RYR2: variants seen among roughly 807,000 people sequenced by gnomAD.
RYR2 encodes cardiac muscle ryanodine receptor-calcium release channel.
Under a neutral mutation model 601.1 loss-of-function variants are expected in RYR2, and 227 were observed. That is an observed-to-expected ratio of 0.38 (90% CI 0.34 to 0.42). RYR2 has a LOEUF of 0.42. Among genes scored for constraint, RYR2 ranks in the 10% least tolerant of loss-of-function variants. RYR2 has a pLI of 1.00. For synonymous variants in RYR2, 2,223 were observed against 2,175.1 expected, an observed-to-expected ratio of 1.02 and a Z score of -0.61; for missense variants, 4,646 against 6,156.5, an observed-to-expected ratio of 0.75 and a Z score of 8.21.
At position 237,803,176 on chromosome 1, in the gene RYR2, TTCTC is replaced by T. The variant is rs1191965385; in HGVS notation, c.14151+1265_14151+1268del. 2.0e-5 allele frequency among the ~76,000 whole-genome samples: 3 copies of T among 152,162 alleles called. No homozygotes were observed. In the East Asian group the frequency reaches 5.8e-4, roughly 29 times the overall value. On this transcript the variant is annotated intron_variant, in intron 98 of 104. Transcript: ENST00000366574. ...ACCTAAACTAAAAATCATTTATTCTTTCTCTCTCATTCAAATTTTACTGTGCAGC... is the reference window on the plus strand; with the variant it reads ...ACCTAAACTAAAAATCATTTATTCTTTCTCATTCAAATTTTACTGTGCAGC...
chr1:237,456,700 G>C lies in RYR2; in HGVS notation c.1577G>C (p.Trp526Ser), dbSNP rs1204721340. ...GCTGGGCGAGAAGCAGGAGAGTCTTGGAAATCCATTCTGAATTCTCTGTAT... is the reference window on the plus strand; with the variant it reads ...GCTGGGCGAGAAGCAGGAGAGTCTTCGAAATCCATTCTGAATTCTCTGTAT... The part of the protein sequence containing the change: ...DVAGREAGES[W>S]KSILNSLYEL... Residue 526 changes from tryptophan (W) to serine (S), a missense_variant, in exon 16 of 105, where the codon TGG becomes TCG. By Grantham distance (177) the Trp-to-Ser change is radical (BLOSUM62 -3). Transcript: ENST00000366574. 1 of 1,613,520 alleles carries C rather than the reference G, an allele frequency of 6.2e-7. No individual in the cohort carries two copies.
chr1:237,090,444 G>T (rs1222764334), intron 1 of RYR2, among the ~76,000 whole-genome samples: 1 of 152,134 alleles, frequency 6.6e-6, no homozygotes, highest in African/African-American at 2.4e-5. Context: ...TGGAAGCAGA[G>T]ATCAGAGACA....
intron 10 of RYR2, among the ~76,000 whole-genome samples, chr1:237,415,121 A>G (rs550984287): frequency 5.3e-5 from 8 of 152,300 alleles, no homozygotes; most frequent in African/African-American, 1.9e-4. Context: ...CGCAGCCCCA[A>G]ACATCAACAG....
At chr1:237,545,908 A>G (rs1016443170) in intron 25 of RYR2, among the ~76,000 whole-genome samples, 1 of 151,664 alleles carries the variant, frequency 6.6e-6, no homozygotes, top group Non-Finnish European at 1.5e-5. Context: ...AAGAACAAAA[A>G]TAAAACCCAA....
At chr1:237,117,522 C>A (rs1339520846) in intron 1 of RYR2, among the ~76,000 whole-genome samples, 1 of 152,064 alleles carries the variant, frequency 6.6e-6, no homozygotes, top group Non-Finnish European at 1.5e-5. Flanking sequence ...GGCTTCATGC[C>A]CTGGACTGAG....
chr1:237,707,133 G>A lies in RYR2; in HGVS notation c.9765G>A (p.Glu3255=). The A allele has an allele frequency of 6.2e-7, 1 of 1,613,850 alleles. No homozygotes were observed. The highest frequency in any genetic ancestry group is 1.1e-5 in the South Asian group (1 of 91,062). Residue 3255 remains glutamate (E), a synonymous_variant, in exon 68 of 105, where the codon GAG becomes GAA. Transcript: ENST00000366574. The stretch of plus-strand genomic sequence containing the variant: ...CTCGTTGGTGGGAGCATGGACCTGA[G>A]AACAATCCAGAACGGGCCGAGATGT... ...YMSRWWEHGP[E]NNPERAEMCC...
At chr1:237,353,719 T>G (rs1387701360) in intron 3 of RYR2, among the ~76,000 whole-genome samples, 1 of 152,150 alleles carries the variant, frequency 6.6e-6, no homozygotes, top group East Asian at 1.9e-4. Context: ...ATTGCTCTTT[T>G]TATTAGTGTT....
chr1:237,712,033 A>G (rs1160563439), intron 71 of RYR2, among the ~76,000 whole-genome samples, 196 bp downstream of exon 71: 1 of 152,092 alleles, frequency 6.6e-6, no homozygotes, highest in Non-Finnish European at 1.5e-5. Context: ...AGACATGCAG[A>G]CGGGAAATGA....
At chr1:237,493,799 A>G (rs1572580347) in intron 19 of RYR2, among the ~76,000 whole-genome samples, 2 of 152,220 alleles carry the variant, frequency 1.3e-5, no homozygotes, top group Non-Finnish European at 2.9e-5. Context: ...CAAAAATAGA[A>G]TGTCCAAAAT....
At chr1:237,224,017 C>T (rs767446746) in intron 1 of RYR2, among the ~76,000 whole-genome samples, 5 of 152,132 alleles carry the variant, frequency 3.3e-5, no homozygotes, top group African/African-American at 7.2e-5. Context: ...TGGAATCTAA[C>T]TCATCATGGA....
chr1:237,726,067 A>G lies in RYR2; in HGVS notation c.10690-206A>G, dbSNP rs191746486. Among the ~76,000 whole-genome samples, 13 of 152,206 alleles carry G rather than the reference A, an allele frequency of 8.5e-5. No individual in the cohort carries two copies. In the East Asian group the frequency reaches 2.5e-3, roughly 29 times the overall value. The stretch of plus-strand genomic sequence containing the variant: ...AGTGGATAATTGTCACCACGTGTTT[A>G]TTGATCATAGAGGGGGAAGAGCATC... On this transcript the variant is annotated intron_variant, in intron 74 of 104. Coordinates refer to ENST00000366574, the MANE Select transcript of RYR2 (RefSeq NM_001035.3).
chr1:237,287,801 C>A (rs1424364599), intron 2 of RYR2, among the ~76,000 whole-genome samples: 1 of 152,122 alleles, frequency 6.6e-6, no homozygotes, highest in South Asian at 2.1e-4. Context: ...CTCCTGAATT[C>A]GTTGTCAGGT....
chr1:237,380,772 C>T (rs1334168442), intron 8 of RYR2, among the ~76,000 whole-genome samples: 2 of 151,626 alleles, frequency 1.3e-5, no homozygotes, highest in East Asian at 3.9e-4. Flanking sequence ...AAGACCCTGT[C>T]TCTACTAAAA....
At chr1:237,501,108 G>A (rs867144767) in intron 21 of RYR2, among the ~76,000 whole-genome samples, 9 of 151,800 alleles carry the variant, frequency 5.9e-5, no homozygotes, top group South Asian at 2.1e-4. Flanking sequence ...CTTTGTTTAC[G>A]GATCCCACAG....
At position 237,787,973 on chromosome 1, in the gene RYR2, TG is replaced by T. The variant is rs1465511290; in HGVS notation, c.13329-14del. The T allele has an allele frequency of 6.3e-7, 1 of 1,575,004 alleles. No homozygotes were observed. Among genetic ancestry groups the T allele is most frequent in the African/African-American group, 1.3e-5 (1 of 74,080 alleles). On this transcript the variant is annotated splice_polypyrimidine_tract_variant and intron_variant, in intron 91 of 104. Coordinates refer to ENST00000366574, the MANE Select transcript of RYR2 (RefSeq NM_001035.3). Reference sequence around the variant, plus strand: ...GTTTCTGGAGAGCTTATGTTTTGTTTGTTTGTTTTCATAGGGGAGAAGATGG... The same window carrying T: ...GTTTCTGGAGAGCTTATGTTTTGTTTTTTGTTTTCATAGGGGAGAAGATGG...
At chr1:237,536,755 A>G (rs2618682) in intron 25 of RYR2, among the ~76,000 whole-genome samples, 104,434 of 132,750 alleles carry the variant, frequency 0.79, 40,813 homozygotes, top group East Asian at 0.93. Context: ...GCATGGTGGC[A>G]GGCGCCTGTA....
At chr1:237,643,744 CT>C (rs1156534459) in intron 48 of RYR2, among the ~76,000 whole-genome samples, 2 of 151,930 alleles carry the variant, frequency 1.3e-5, no homozygotes, top group Non-Finnish European at 2.9e-5. Context: ...TCCCAAGTAG[CT>C]GGGACTACAG....
At chr1:237,292,584 T>C (rs1558568465) in intron 2 of RYR2, among the ~76,000 whole-genome samples, 1 of 152,166 alleles carries the variant, frequency 6.6e-6, no homozygotes, top group Non-Finnish European at 1.5e-5. Context: ...CCATGGAAAA[T>C]TATGCTGGAT....
chr1:237,652,332 G>A (rs759196920), intron 51 of RYR2, among the ~76,000 whole-genome samples: 3 of 152,118 alleles, frequency 2.0e-5, no homozygotes, highest in Non-Finnish European at 4.4e-5. Context: ...CTATCTTACT[G>A]AGTTGGGAAT....
Sources: gnomAD v4.1 joint callset for allele counts (sites outside exome capture counted in the v4.1 genomes callset) on GRCh38, gnomAD v4.1.1 for gene constraint, MANE v1.5 for transcripts, NCBI Gene and HGNC (gene_info 2026-07-23, HGNC 2026-07-21) for gene names.